The following DNER variants were observed in gnomAD, a reference collection of about 807,000 sequenced individuals.
The protein encoded by DNER is delta and Notch-like epidermal growth factor-related receptor.
Under a neutral mutation model 78.2 loss-of-function variants are expected in DNER, and 33 were observed. The observed-to-expected ratio is 0.42, with a 90% CI of 0.32 to 0.56. The LOEUF is 0.56. Among genes scored for constraint, DNER ranks in the 20% least tolerant of loss-of-function variants. The pLI is 0.11. For synonymous variants in DNER, 417 were observed against 384.8 expected, an observed-to-expected ratio of 1.08 and a Z score of -0.98; for missense variants, 918 against 975.3, an observed-to-expected ratio of 0.94 and a Z score of 0.78.
chr2:229,449,771 ATTTAT>A (rs368907284), intron 7 of DNER, among the ~76,000 whole-genome samples: 1,876 of 152,162 alleles, frequency 0.012, 35 homozygotes, highest in African/African-American at 0.043. Context: ...ATAGAAATCA[ATTTAT>A]TTTATTTTAT....
intron 10 of DNER, among the ~76,000 whole-genome samples, chr2:229,396,535 A>G (rs1048809197): frequency 6.6e-6 from 1 of 152,226 alleles, no homozygotes; most frequent in African/African-American, 2.4e-5. Flanking sequence ...CAGTGGTCAC[A>G]TGGTCACCAC....
intron 5 of DNER, among the ~76,000 whole-genome samples, chr2:229,519,501 A>T (rs976890449): frequency 6.6e-6 from 1 of 152,148 alleles, no homozygotes; most frequent in Non-Finnish European, 1.5e-5. Flanking sequence ...AAATTATTGC[A>T]TTAACCTTCA....
intron 8 of DNER, among the ~76,000 whole-genome samples, chr2:229,442,862 A>C (rs1031038471): frequency 6.6e-6 from 1 of 151,486 alleles, no homozygotes; most frequent in Non-Finnish European, 1.5e-5. Context: ...AGAAAATACA[A>C]AAAAAAAATT....
rs184740367 is a variant in DNER at position 229,608,790 on chromosome 2, T to C, written c.277-16902A>G. Among the ~76,000 whole-genome samples, 318 of 152,274 alleles carry C rather than the reference T, an allele frequency of 2.1e-3. 1 individual carries two copies. The highest frequency in any genetic ancestry group is 7.4e-3 in the African/African-American group (307 of 41,572). ...GGCGGGCTTTAACTGTATTTGCCTG[T>C]TTTATTTATTTATTTTTAATAATTG... is the stretch of plus-strand genomic sequence containing the variant. On this transcript the variant is annotated intron_variant, in intron 1 of 12. Coordinates refer to ENST00000341772, the MANE Select transcript of DNER (RefSeq NM_139072.4).
At chr2:229,569,829 C>T (rs539006093) in intron 4 of DNER, among the ~76,000 whole-genome samples, 56 of 152,220 alleles carry the variant, frequency 3.7e-4, no homozygotes, top group African/African-American at 1.3e-3. Context: ...TACAGAAGTG[C>T]TCCCATGGAT....
At chr2:229,567,989 A>C (rs12694817) in intron 4 of DNER, among the ~76,000 whole-genome samples, 40,009 of 152,084 alleles carry the variant, frequency 0.26, 6,534 homozygotes, top group South Asian at 0.42. Flanking sequence ...TCCCAATCTG[A>C]GTGTGAACAG....
chr2:229,422,832 G>A (rs1693795748), intron 8 of DNER, among the ~76,000 whole-genome samples: 1 of 152,164 alleles, frequency 6.6e-6, no homozygotes. Context: ...ATGGGCAGGT[G>A]GAGAACAAAG....
chr2:229,664,225 TGTAA>T (rs1699054182), intron 1 of DNER, among the ~76,000 whole-genome samples: 1 of 152,194 alleles, frequency 6.6e-6, no homozygotes, highest in South Asian at 2.1e-4. Context: ...CAGTCTACAC[TGTAA>T]GTAAGCAATT....
chr2:229,692,771 AG>A (rs1200438832), intron 1 of DNER, among the ~76,000 whole-genome samples: 1 of 152,216 alleles, frequency 6.6e-6, no homozygotes, highest in Non-Finnish European at 1.5e-5. Flanking sequence ...CATTCCACAT[AG>A]TTTTAAACTG....
intron 1 of DNER, among the ~76,000 whole-genome samples, chr2:229,658,650 T>C (rs1157667852): frequency 6.6e-6 from 1 of 151,310 alleles, no homozygotes; most frequent in Non-Finnish European, 1.5e-5. Flanking sequence ...CAACTGCCCA[T>C]CTGAAAGACT....
At chr2:229,592,005 A>G in intron 1 of DNER, 117 bp from the exon 2 acceptor site, 1 of 1,305,304 alleles carries the variant, frequency 7.7e-7, no homozygotes, top group Non-Finnish European at 1.0e-6. Context: ...GTTCCTGTGG[A>G]ATACACTCCT....
chr2:229,487,037 C>T (rs550475495), intron 6 of DNER, among the ~76,000 whole-genome samples: 10 of 152,198 alleles, frequency 6.6e-5, no homozygotes, highest in East Asian at 3.9e-4. Context: ...TATTCATTTC[C>T]GAATTACACA....
intron 4 of DNER, among the ~76,000 whole-genome samples, chr2:229,568,653 T>C (rs1051316152): frequency 6.6e-6 from 1 of 152,216 alleles, no homozygotes; most frequent in East Asian, 1.9e-4. Context: ...TTGCAAACCA[T>C]TGTTTCTTTT....
At chr2:229,407,524 T>G (rs914872317) in intron 9 of DNER, among the ~76,000 whole-genome samples, 179 bp from the exon 10 acceptor site, 9 of 152,216 alleles carry the variant, frequency 5.9e-5, no homozygotes, top group Admixed American at 5.9e-4. Flanking sequence ...AAAACTTGCC[T>G]TATGAGAAAG....
intron 9 of DNER, among the ~76,000 whole-genome samples, chr2:229,412,782 C>A (rs1438430384): frequency 6.6e-6 from 1 of 152,142 alleles, no homozygotes; most frequent in Admixed American, 6.6e-5. Context: ...AGGCGACGTG[C>A]AAGAGGGACC....
At chr2:229,601,519 C>T (rs1211787260) in intron 1 of DNER, among the ~76,000 whole-genome samples, 2 of 152,164 alleles carry the variant, frequency 1.3e-5, no homozygotes, top group East Asian at 1.9e-4. Context: ...AGAAACTCTA[C>T]ATCAATTCAA....
At chr2:229,503,653 A>G (rs1350034922) in intron 6 of DNER, among the ~76,000 whole-genome samples, 10 of 152,226 alleles carry the variant, frequency 6.6e-5, no homozygotes, top group Admixed American at 4.6e-4. Flanking sequence ...ACATTCATGC[A>G]GTATGACGGA....
In DNER at chr2:229,467,041, T is replaced by G. The variant is rs1694820260; in HGVS notation, c.1261+10099A>C. 2.0e-5 allele frequency among the ~76,000 whole-genome samples: 3 copies of G among 152,186 alleles called. No individual in the cohort carries two copies. The South Asian group carries it at 6.2e-4, about 32-fold the overall frequency. On this transcript the variant is annotated intron_variant, in intron 7 of 12. Transcript: ENST00000341772. ...TAAAGTGCGGTGTCAAGTCTTGGACTGTCACGGAAAAGAGGACCCTGGTCA... is the reference window on the plus strand; with the variant it reads ...TAAAGTGCGGTGTCAAGTCTTGGACGGTCACGGAAAAGAGGACCCTGGTCA...
At chr2:229,643,957 A>G (rs933623279) in intron 1 of DNER, among the ~76,000 whole-genome samples, 1 of 152,064 alleles carries the variant, frequency 6.6e-6, no homozygotes, top group Non-Finnish European at 1.5e-5. Context: ...AACCACGCAA[A>G]TGCCCCTCAT....
Sources: gnomAD v4.1 joint callset for allele counts (sites outside exome capture counted in the v4.1 genomes callset) on GRCh38, gnomAD v4.1.1 for gene constraint, MANE v1.5 for transcripts, NCBI Gene and HGNC (gene_info 2026-07-23, HGNC 2026-07-21) for gene names.